EIF2AK3: variants seen among roughly 807,000 people sequenced by gnomAD.
EIF2AK3 encodes eukaryotic translation initiation factor 2 alpha kinase 3, also known as eukaryotic translation initiation factor 2-alpha kinase 3.
In EIF2AK3, 50 loss-of-function variants were observed where a neutral mutation model predicts 113.5. The observed-to-expected ratio is 0.44, with a 90% CI of 0.35 to 0.56. EIF2AK3 has a LOEUF of 0.56. Ranked by LOEUF, EIF2AK3 falls within the 20% of genes least tolerant of loss-of-function variation. The pLI, the probability that EIF2AK3 is intolerant of heterozygous loss-of-function variation, is 0.00. For synonymous variants in EIF2AK3, 448 were observed against 495.4 expected, an observed-to-expected ratio of 0.90 and a Z score of 1.27; for missense variants, 1,185 against 1,378.0, an observed-to-expected ratio of 0.86 and a Z score of 2.22.
intron 1 of EIF2AK3, among the ~76,000 whole-genome samples, chr2:88,614,785 C>T (rs1675532139): frequency 1.3e-5 from 2 of 152,198 alleles, no homozygotes; most frequent in African/African-American, 2.4e-5. Flanking sequence ...AACTCCCTAC[C>T]CTGCCTCTCA....
intron 15 of EIF2AK3, among the ~76,000 whole-genome samples, chr2:88,559,222 A>C (rs1673872483): frequency 6.6e-6 from 1 of 152,208 alleles, no homozygotes; most frequent in Admixed American, 6.5e-5. Flanking sequence ...GGATTCAACC[A>C]ACCACAGAAT....
intron 14 of EIF2AK3, among the ~76,000 whole-genome samples, chr2:88,564,595 G>C (rs900307555): frequency 6.6e-6 from 1 of 152,020 alleles, no homozygotes; most frequent in South Asian, 2.1e-4. Flanking sequence ...CCACACTACA[G>C]TCAGCACAGA....
rs538912742 is a variant in EIF2AK3, at chr2:88,627,432, C to A, written c.-158G>T. 4.0e-5 allele frequency: 36 copies of A among 903,430 alleles called. No homozygotes were observed. In the South Asian group the frequency reaches 1.1e-3, roughly 26 times the overall value. The allele number at this position is 903,430 out of a possible 1,614,324, so 56.0% of individuals were successfully genotyped here. A position where few individuals can be genotyped will look rare whatever the true frequency, so the allele number is the denominator to read the frequency against. ...GTGTTCCCCTGGCCACGTCTCAGCC[C>A]GGCCTCTGCCGCTGCCACCTGAGTG... On this transcript the variant is annotated 5_prime_UTR_variant, in exon 1 of 17. Coordinates refer to ENST00000303236, the MANE Select transcript of EIF2AK3 (RefSeq NM_004836.7).
chr2:88,618,121 G>A (rs2103976027), intron 1 of EIF2AK3, among the ~76,000 whole-genome samples: 1 of 152,330 alleles, frequency 6.6e-6, no homozygotes, highest in South Asian at 2.1e-4. Context: ...GGTCGTGGCT[G>A]CAGTGAACTG....
Position 88,575,090 on chromosome 2 carries a change from G to A in EIF2AK3, c.2393C>T (p.Ser798Leu), listed in dbSNP as rs1255608073. The change falls in exon 13 of 17, where the codon TCA becomes TTA. Residue 798 changes from serine to leucine, a missense_variant. Transcript: ENST00000303236. ...TATTGAAGAGGAGGTTCTCTCCCTTGACCTTACATAAGGAGAAGCTTCAGA... is the reference window on the plus strand; with the variant it reads ...TATTGAAGAGGAGGTTCTCTCCCTTAACCTTACATAAGGAGAAGCTTCAGA... ...CPSEASPYVR[S>L]RERTSSSIVF... 1.2e-6 allele frequency: 2 copies of A among 1,614,150 alleles called. No homozygotes were observed. Among genetic ancestry groups the A allele is most frequent in the South Asian group, 1.1e-5 (1 of 91,072 alleles).
intron 2 of EIF2AK3, among the ~76,000 whole-genome samples, chr2:88,606,454 T>C (rs2104459087): frequency 6.6e-6 from 1 of 152,322 alleles, no homozygotes; most frequent in South Asian, 2.1e-4. Context: ...ACTGTTTCAT[T>C]TCTATAATTA....
At chr2:88,591,479 G>C (rs1242519914) in intron 4 of EIF2AK3, among the ~76,000 whole-genome samples, 1 of 152,120 alleles carries the variant, frequency 6.6e-6, no homozygotes, top group African/African-American at 2.4e-5. Context: ...TAACAAACCA[G>C]TGTAAAAGTC....
rs1354886659 is a variant in EIF2AK3, at chr2:88,627,302, G to C, written c.-28C>G. On this transcript the variant is annotated 5_prime_UTR_variant, in exon 1 of 17. Coordinates refer to ENST00000303236, the MANE Select transcript of EIF2AK3 (RefSeq NM_004836.7). ...GCGTCCCGCCCCGCGCGCAGGCATG[G>C]AGGCGCAGCCACTGACGCCTGCCTC... 6.8e-7 allele frequency: 1 copy of C among 1,473,534 alleles called. No homozygotes were observed. Among genetic ancestry groups the C allele is most frequent in the Non-Finnish European group, 9.0e-7 (1 of 1,115,970 alleles). The allele number at this position is 1,473,534 out of a possible 1,614,324, so 91.3% of individuals were successfully genotyped here. A position where few individuals can be genotyped will look rare whatever the true frequency, so the allele number is the denominator to read the frequency against.
chr2:88,583,818 A>G (rs1319164007), intron 9 of EIF2AK3, among the ~76,000 whole-genome samples: 6 of 152,222 alleles, frequency 3.9e-5, no homozygotes, highest in African/African-American at 1.4e-4. Context: ...TAGAAAGACA[A>G]TGCACACATG....
At chr2:88,587,897 A>G (rs373747921) in intron 8 of EIF2AK3, 85 bp downstream of exon 8, 49 of 940,060 alleles carry the variant, frequency 5.2e-5, no homozygotes, top group Non-Finnish European at 6.9e-5. Flanking sequence ...TTTATTGTCT[A>G]TACTCTAATC....
At chr2:88,617,475 C>A (rs997013195) in intron 1 of EIF2AK3, among the ~76,000 whole-genome samples, 10 of 152,150 alleles carry the variant, frequency 6.6e-5, no homozygotes, top group Admixed American at 2.6e-4. Flanking sequence ...GCAATAGACA[C>A]TGCAGAGTAC....
intron 15 of EIF2AK3, among the ~76,000 whole-genome samples, chr2:88,560,893 A>G (rs1673934739): frequency 6.6e-6 from 1 of 152,134 alleles, no homozygotes; most frequent in Admixed American, 6.5e-5. Context: ...ATAAAATAAG[A>G]AATAGTGACA....
intron 10 of EIF2AK3, 115 bp from the exon 11 acceptor site, chr2:88,579,755 T>C: frequency 1.1e-6 from 1 of 945,578 alleles, no homozygotes; most frequent in South Asian, 1.5e-5. Flanking sequence ...AGAACTCATC[T>C]TAATAAATAG....
chr2:88,600,630 G>A (rs776224693), intron 2 of EIF2AK3, among the ~76,000 whole-genome samples: 7 of 152,030 alleles, frequency 4.6e-5, no homozygotes, highest in Non-Finnish European at 1.0e-4. Context: ...AAGTAATTCC[G>A]TTTCTGTTTC....
upstream of EIF2AK3, chr2:88,627,534 T>C (rs1573432782): frequency 2.5e-6 from 1 of 392,906 alleles, no homozygotes; most frequent in Non-Finnish European, 4.5e-6. Context: ...CCGCTGCCAC[T>C]CCATGTTCCC....
intron 14 of EIF2AK3, among the ~76,000 whole-genome samples, chr2:88,569,749 T>G (rs1391905848): frequency 6.6e-6 from 1 of 152,176 alleles, no homozygotes; most frequent in African/African-American, 2.4e-5. Flanking sequence ...CATGAATGGT[T>G]TTAGATTCCA....
At chr2:88,588,538 A>G (rs1369019766) in intron 7 of EIF2AK3, among the ~76,000 whole-genome samples, 1 of 152,210 alleles carries the variant, frequency 6.6e-6, no homozygotes, top group Non-Finnish European at 1.5e-5. Context: ...ATAGAGAAAT[A>G]TTTGATTAAC....
chr2:88,612,246 A>G (rs1434788536), intron 2 of EIF2AK3, among the ~76,000 whole-genome samples: 1 of 152,208 alleles, frequency 6.6e-6, no homozygotes, highest in African/African-American at 2.4e-5. Flanking sequence ...TTGCAAACAC[A>G]CACATGCTTT....
intron 2 of EIF2AK3, among the ~76,000 whole-genome samples, chr2:88,607,526 T>A (rs1051612491): frequency 6.6e-6 from 1 of 152,322 alleles, no homozygotes; most frequent in African/African-American, 2.4e-5. Flanking sequence ...TAGTGGCAAA[T>A]GAGATGTGTG....
Sources: gnomAD v4.1 joint callset for allele counts (sites outside exome capture counted in the v4.1 genomes callset) on GRCh38, gnomAD v4.1.1 for gene constraint, MANE v1.5 for transcripts, NCBI Gene and HGNC (gene_info 2026-07-23, HGNC 2026-07-21) for gene names.